The following ZDHHC3 variants were observed in gnomAD, a reference collection of about 807,000 sequenced individuals.
ZDHHC3 encodes zDHHC palmitoyltransferase 3, also known as palmitoyltransferase ZDHHC3.
A neutral mutation model predicts 30.6 loss-of-function variants in ZDHHC3; 9 were observed. The observed-to-expected ratio is 0.29, with a 90% CI of 0.18 to 0.51. ZDHHC3 has a LOEUF of 0.51. Among genes scored for constraint, ZDHHC3 ranks in the 20% least tolerant of loss-of-function variants. ZDHHC3 has a pLI of 0.97. For synonymous variants in ZDHHC3, 136 were observed against 140.2 expected (o/e 0.97, Z 0.21); for missense variants, 246 against 384.2 (o/e 0.64, Z 3.01).
chr3:44,945,403 G>C (rs944146367), intron 2 of ZDHHC3, 111 bp from the exon 3 acceptor site: 5 of 1,442,382 alleles, frequency 3.5e-6, no homozygotes, highest in Non-Finnish European at 4.8e-6. Flanking sequence ...ACATGGACAG[G>C]ACACTTTGAT....
rs1700406943 is a variant in ZDHHC3 at position 44,918,984 on chromosome 3, GT to G, written c.*7704del. 1.0e-6 allele frequency: 1 copy of G among 985,462 alleles called. No individual in the cohort carries two copies. Among genetic ancestry groups the G allele is most frequent in the Non-Finnish European group, 1.2e-6 (1 of 830,048 alleles). The allele number at this position is 985,462 out of a possible 1,614,324, so 61.0% of individuals were successfully genotyped here. ...CTTCTGGAAGCCAAGGGAATTTGCT[GT>G]GGGTTTGCTGGGCTTGGGCACTGCT... On this transcript the variant is annotated 3_prime_UTR_variant, in exon 7 of 7. Transcript: ENST00000424952.
rs1221111558 is a variant in ZDHHC3, at chr3:44,918,031, G to A, written c.*8658C>T. Reference sequence around the variant, plus strand: ...GGGGATCTCTGGCTGACACGGTCTGGAGAAGGGGTTGAACCAGTTCAGGGA... The same window carrying A: ...GGGGATCTCTGGCTGACACGGTCTGAAGAAGGGGTTGAACCAGTTCAGGGA... On this transcript the variant is annotated 3_prime_UTR_variant, in exon 7 of 7. Transcript: ENST00000424952. 7.7e-7 allele frequency: 1 copy of A among 1,305,446 alleles called. No homozygotes were observed. The highest frequency in any genetic ancestry group is 1.0e-6 in the Non-Finnish European group (1 of 988,964). 80.9% of individuals were successfully genotyped at this position (1,305,446 alleles called of 1,614,324 possible).
chr3:44,961,953 T>C (rs1704516828), intron 1 of ZDHHC3, among the ~76,000 whole-genome samples: 2 of 152,344 alleles, frequency 1.3e-5, no homozygotes, highest in Middle Eastern at 3.4e-3. Context: ...TGGCTCTTTA[T>C]AGAAAAGTTT....
intron 5 of ZDHHC3, chr3:44,932,796 TC>T: frequency 2.1e-6 from 2 of 958,408 alleles, no homozygotes; most frequent in Non-Finnish European, 3.3e-6. Context: ...AAAACTTCTC[TC>T]CCAGCATGGC....
intron 1 of ZDHHC3, among the ~76,000 whole-genome samples, chr3:44,973,491 T>C (rs1487081340): frequency 2.0e-5 from 3 of 152,136 alleles, no homozygotes; most frequent in Non-Finnish European, 4.4e-5. Context: ...GGAGTTTCGC[T>C]CTTGTTGCCC....
rs1700776228 is a variant in ZDHHC3 at position 44,923,710 on chromosome 3, C to A, written c.*2979G>T. On this transcript the variant is annotated 3_prime_UTR_variant, in exon 7 of 7. Transcript: ENST00000424952. ...CCTGGATATTCAGGAGGCCAAGGCA[C>A]AAGAATCACTTGAGCCCAGGAGTTC... The A allele has an allele frequency of 9.5e-6, 8 of 842,002 alleles. No homozygotes were observed. Among genetic ancestry groups the A allele is most frequent in the African/African-American group, 1.8e-5 (1 of 54,248 alleles). 52.2% of individuals were successfully genotyped at this position (842,002 alleles called of 1,614,324 possible).
chr3:44,962,117 C>T (rs375780183), intron 1 of ZDHHC3, among the ~76,000 whole-genome samples: 14 of 152,304 alleles, frequency 9.2e-5, no homozygotes, highest in African/African-American at 2.4e-4. Context: ...CTGCAGCCTG[C>T]GGACCACTTC....
rs748378335 is a variant in ZDHHC3 at position 44,933,217 on chromosome 3, T to C, written c.529-18A>G. The C allele has an allele frequency of 3.1e-6, 5 of 1,611,112 alleles. No individual in the cohort carries two copies. Among genetic ancestry groups the C allele is most frequent in the East Asian group, 2.2e-5 (1 of 44,862 alleles). On this transcript the variant is annotated intron_variant, in intron 4 of 6. Transcript: ENST00000424952. Reference sequence around the variant, plus strand: ...ATGTACATCTGAAACAGGAAACCAGTGCAGACACCATTGTTGTGAGAATCC... The same window carrying C: ...ATGTACATCTGAAACAGGAAACCAGCGCAGACACCATTGTTGTGAGAATCC...
At position 44,921,389 on chromosome 3, in the gene ZDHHC3, T is replaced by C. The variant is rs993940971; in HGVS notation, c.*5300A>G. 3 of 985,310 alleles carry C rather than the reference T, an allele frequency of 3.0e-6. No homozygotes were observed. The African/African-American group carries it at 5.2e-5, about 17-fold the overall frequency. The allele number at this position is 985,310 out of a possible 1,614,324, so 61.0% of individuals were successfully genotyped here. Reference sequence around the variant, plus strand: ...GCGGGCCAGATAACACTGTCTCTCCTCATCAGAGATTTCATACCTCTATAT... The same window carrying C: ...GCGGGCCAGATAACACTGTCTCTCCCCATCAGAGATTTCATACCTCTATAT... On this transcript the variant is annotated 3_prime_UTR_variant, in exon 7 of 7. Coordinates refer to ENST00000424952, the MANE Select transcript of ZDHHC3 (RefSeq NM_001135179.2).
chr3:44,959,175 A>C lies in ZDHHC3; in HGVS notation c.262T>G (p.Phe88Val). The C allele has an allele frequency of 6.2e-7, 1 of 1,614,256 alleles. No homozygotes were observed. The highest frequency in any genetic ancestry group is 1.1e-5 in the South Asian group (1 of 91,088). Reference protein sequence around the residue: ...INGIVFNLLAFLALASHCRAM... With the variant: ...INGIVFNLLAVLALASHCRAM... ...CGGCAGTGGGAGGCCAGGGCCAAGA[A>C]GGCCAGCAGGTTGAACACAATTCCG... The change falls in exon 2 of 7, where the codon TTC (phenylalanine) becomes GTC (valine). Residue 88 changes from phenylalanine (F) to valine (V), a missense_variant. Physicochemically the swap from Phe to Val is conservative, Grantham distance 50 (BLOSUM62 -1). Coordinates refer to ENST00000424952, the MANE Select transcript of ZDHHC3 (RefSeq NM_001135179.2). The surrounding 1 kb of genome is among the most constrained non-coding windows in gnomAD (Gnocchi z 4.3).
At position 44,929,307 on chromosome 3, in the gene ZDHHC3, G is replaced by A. The variant is rs2125813715; in HGVS notation, c.740C>T (p.Thr247Met). The part of the protein sequence containing the change: ...TQVHSICTDE[T>M]GIEQLKKEER... ...TGGTGGGCAGAGCCACCTGCTTACC[G>A]TCTCATCTGTGCAGATGGAGTGCAC... is the stretch of plus-strand genomic sequence containing the variant. Residue 247 changes from threonine to methionine, a missense_variant and splice_region_variant, in exon 6 of 7, where the codon ACG (threonine) becomes ATG (methionine). Transcript: ENST00000424952. The A allele has an allele frequency of 1.9e-6, 3 of 1,613,776 alleles. No individual in the cohort carries two copies. Among genetic ancestry groups the A allele is most frequent in the Non-Finnish European group, 2.5e-6 (3 of 1,179,838 alleles).
chr3:44,926,952 A>G (rs1701044052), intron 6 of ZDHHC3, 105 bp from the exon 7 acceptor site: 1 of 1,390,124 alleles, frequency 7.2e-7, no homozygotes, highest in Non-Finnish European at 9.4e-7. Context: ...TTTCCTTTTT[A>G]AAGCAACAAA....
intron 2 of ZDHHC3, 107 bp from the exon 3 acceptor site, chr3:44,945,399 A>G: frequency 6.8e-7 from 1 of 1,465,304 alleles, no homozygotes; most frequent in Non-Finnish European, 9.4e-7. Flanking sequence ...ACACACATGG[A>G]CAGGACACTT....
chr3:44,933,435 G>A (rs1019556291), intron 4 of ZDHHC3: 8 of 589,906 alleles, frequency 1.4e-5, no homozygotes, highest in South Asian at 6.2e-5. Flanking sequence ...AAGCAAGCCC[G>A]TCACCAGGCA....
intron 1 of ZDHHC3, among the ~76,000 whole-genome samples, chr3:44,961,107 T>C (rs1215712980): frequency 2.0e-5 from 3 of 152,158 alleles, no homozygotes; most frequent in Non-Finnish European, 2.9e-5. Flanking sequence ...AGAATAACCA[T>C]CTCGGCCGGG....
intron 2 of ZDHHC3, among the ~76,000 whole-genome samples, chr3:44,955,826 G>A (rs1197358225): frequency 6.6e-6 from 1 of 152,204 alleles, no homozygotes; most frequent in Non-Finnish European, 1.5e-5. Flanking sequence ...GAGATATCAT[G>A]TGCTGGGGAT....
chr3:44,949,422 G>A (rs1041522877), intron 2 of ZDHHC3, among the ~76,000 whole-genome samples: 3 of 152,180 alleles, frequency 2.0e-5, no homozygotes, highest in East Asian at 1.9e-4. Flanking sequence ...CCAAGAGTTT[G>A]AGAGCAGCCT....
Position 44,951,545 on chromosome 3 carries a change from T to C in ZDHHC3, c.307-6253A>G, listed in dbSNP as rs532069002. Among the ~76,000 whole-genome samples the C allele has an allele frequency of 2.6e-5, 4 of 152,296 alleles. No individual in the cohort carries two copies. The South Asian group carries it at 8.3e-4, about 32-fold the overall frequency. On this transcript the variant is annotated intron_variant, in intron 2 of 6. Coordinates refer to ENST00000424952, the MANE Select transcript of ZDHHC3 (RefSeq NM_001135179.2). ...TATTCCTCATCTCACTGCCTCACTG[T>C]CCCTGGACTCACGGGTACCCACTGT...
In ZDHHC3 at chr3:44,920,280, A is replaced by C; in HGVS notation, c.*6409T>G. ...CCTTCTTGGCACAGAAGCAGTGACC[A>C]GCTGAGATGGTTTGCTTTGGGCATT... On this transcript the variant is annotated 3_prime_UTR_variant, in exon 7 of 7. Coordinates refer to ENST00000424952, the MANE Select transcript of ZDHHC3 (RefSeq NM_001135179.2). 7.8e-7 allele frequency: 1 copy of C among 1,289,886 alleles called. No homozygotes were observed. The highest frequency in any genetic ancestry group is 1.0e-6 in the Non-Finnish European group (1 of 988,884). The allele number at this position is 1,289,886 out of a possible 1,614,324, so 79.9% of individuals were successfully genotyped here.
Sources: allele counts gnomAD v4.1 joint callset (sites outside exome capture counted in the v4.1 genomes callset), GRCh38; gene constraint gnomAD v4.1.1; non-coding constraint Gnocchi (gnomAD v3.1); transcripts MANE v1.5; gene names NCBI Gene and HGNC (gene_info 2026-07-23, HGNC 2026-07-21).